Variants in ST8SIA4 observed in about 807,000 individuals in gnomAD.
The protein encoded by ST8SIA4 is ST8 alpha-N-acetyl-neuraminide alpha-2,8-sialyltransferase 4.
A neutral mutation model predicts 33.9 loss-of-function variants in ST8SIA4; 15 were observed. That is an observed-to-expected ratio of 0.44 (90% confidence interval 0.30 to 0.68). The LOEUF is 0.68. ST8SIA4 is among the 30% of genes least tolerant of loss of function. The pLI is 0.10. For synonymous variants in ST8SIA4, 171 were observed against 151.2 expected (o/e 1.13, Z -0.96); for missense variants, 321 against 428.0 (o/e 0.75, Z 2.21).
intron 3 of ST8SIA4, among the ~76,000 whole-genome samples, chr5:100,866,938 T>C (rs1752077484): frequency 6.6e-6 from 1 of 152,128 alleles, no homozygotes; most frequent in Non-Finnish European, 1.5e-5. Context: ...ACATGAATTG[T>C]CAAGATAATT....
intron 1 of ST8SIA4, among the ~76,000 whole-genome samples, chr5:100,899,829 T>G (rs1412580762): frequency 6.6e-6 from 1 of 152,198 alleles, no homozygotes; most frequent in South Asian, 2.1e-4. Context: ...ACTAAGAAAG[T>G]AAAGTTAGTC....
chr5:100,871,040 G>T (rs980542208), intron 3 of ST8SIA4, among the ~76,000 whole-genome samples: 3 of 152,018 alleles, frequency 2.0e-5, no homozygotes, highest in Non-Finnish European at 2.9e-5. Flanking sequence ...CCTAGACTTG[G>T]CTGTCTATCA....
chr5:100,833,952 C>T (rs1371421255), intron 4 of ST8SIA4, among the ~76,000 whole-genome samples: 2 of 151,818 alleles, frequency 1.3e-5, no homozygotes, highest in African/African-American at 4.8e-5. Flanking sequence ...AATGTGCATC[C>T]CAGATATAGC....
At chr5:100,895,460 A>G (rs1404826821) in intron 2 of ST8SIA4, among the ~76,000 whole-genome samples, 194 bp downstream of exon 2, 1 of 152,008 alleles carries the variant, frequency 6.6e-6, no homozygotes, top group Non-Finnish European at 1.5e-5. Context: ...TCATCCTTAA[A>G]TCTCTGACTA....
intron 3 of ST8SIA4, among the ~76,000 whole-genome samples, chr5:100,860,888 GC>G (rs1751923119): frequency 6.6e-6 from 1 of 152,004 alleles, no homozygotes; most frequent in African/African-American, 2.4e-5. Flanking sequence ...GTTATTCAAG[GC>G]CATTCAGCCA....
At chr5:100,873,154 T>A (rs1381709418) in intron 3 of ST8SIA4, among the ~76,000 whole-genome samples, 1 of 152,174 alleles carries the variant, frequency 6.6e-6, no homozygotes, top group Non-Finnish European at 1.5e-5. Context: ...TTAATTGATA[T>A]CTTATTGCTG....
intron 4 of ST8SIA4, among the ~76,000 whole-genome samples, chr5:100,821,587 T>G (rs1211553963): frequency 6.6e-6 from 1 of 152,194 alleles, no homozygotes; most frequent in East Asian, 1.9e-4. Context: ...CCCAGATAGT[T>G]GTGCTAAAAT....
At chr5:100,821,186 A>C (rs1211727033) in intron 4 of ST8SIA4, among the ~76,000 whole-genome samples, 3 of 152,146 alleles carry the variant, frequency 2.0e-5, no homozygotes, top group Non-Finnish European at 4.4e-5. Context: ...TTTTCTTACT[A>C]AGATTGAAAG....
intron 1 of ST8SIA4, 69 bp from the exon 2 acceptor site, chr5:100,895,854 A>G (rs1312513205): frequency 6.8e-7 from 1 of 1,471,836 alleles, no homozygotes; most frequent in Non-Finnish European, 9.2e-7. Context: ...ACAGTACATA[A>G]TTTGAATTAA....
At chr5:100,826,759 C>A (rs1476669641) in intron 4 of ST8SIA4, among the ~76,000 whole-genome samples, 1 of 151,938 alleles carries the variant, frequency 6.6e-6, no homozygotes, top group African/African-American at 2.4e-5. Flanking sequence ...TATATCATTT[C>A]ATTCTAATTA....
chr5:100,882,748 A>G (rs1752452894), intron 3 of ST8SIA4, among the ~76,000 whole-genome samples: 1 of 152,234 alleles, frequency 6.6e-6, no homozygotes, highest in Non-Finnish European at 1.5e-5. Context: ...AAAGGGGCCA[A>G]TGTAGAACTC....
At position 100,826,056 on chromosome 5, in the gene ST8SIA4, C is replaced by A. The variant is rs149785994; in HGVS notation, c.798-13927G>T. ...TTACTGTATTTCCAGAATTCTAGTT[C>A]TTTTGAAGAATGTTCTTACTGGATA... On this transcript the variant is annotated intron_variant, in intron 4 of 4. Transcript: ENST00000231461. Among the ~76,000 whole-genome samples the A allele has an allele frequency of 7.6e-3, 1,156 of 152,158 alleles. 8 individuals are homozygous for A. The highest frequency in any genetic ancestry group is 0.023 in the African/African-American group (937 of 41,514).
intron 3 of ST8SIA4, among the ~76,000 whole-genome samples, chr5:100,866,651 A>C (rs1340309703): frequency 6.6e-6 from 1 of 151,928 alleles, no homozygotes; most frequent in Non-Finnish European, 1.5e-5. Flanking sequence ...ACATATACAT[A>C]AACTTAACAT....
intron 3 of ST8SIA4, among the ~76,000 whole-genome samples, chr5:100,858,629 G>C (rs1373102993): frequency 1.3e-5 from 2 of 152,036 alleles, no homozygotes; most frequent in Non-Finnish European, 2.9e-5. Flanking sequence ...AATTAAAGCT[G>C]AAGGCTGAAA....
At chr5:100,885,798 A>G (rs776231084) in intron 3 of ST8SIA4, 1 of 894,048 alleles carries the variant, frequency 1.1e-6, no homozygotes, top group Non-Finnish European at 1.3e-6. Context: ...AATTATGTTA[A>G]AAAAACATAA....
intron 1 of ST8SIA4, among the ~76,000 whole-genome samples, chr5:100,902,042 T>A (rs1164509793): frequency 6.6e-6 from 1 of 152,116 alleles, no homozygotes; most frequent in African/African-American, 2.4e-5. Context: ...GTTCACATCC[T>A]CAGAAAAAGC....
intron 4 of ST8SIA4, among the ~76,000 whole-genome samples, chr5:100,829,681 G>A (rs893161858): frequency 2.0e-5 from 3 of 152,108 alleles, no homozygotes; most frequent in Non-Finnish European, 4.4e-5. Context: ...AGGCCGAAGC[G>A]GGTGGATCAC....
intron 3 of ST8SIA4, among the ~76,000 whole-genome samples, chr5:100,872,632 T>C (rs1243896933): frequency 6.6e-6 from 1 of 152,090 alleles, no homozygotes; most frequent in Non-Finnish European, 1.5e-5. Flanking sequence ...TCCCCTTTGC[T>C]GGGCACTCAT....
At chr5:100,813,065 C>T (rs1048740879) in intron 4 of ST8SIA4, among the ~76,000 whole-genome samples, 7 of 152,094 alleles carry the variant, frequency 4.6e-5, no homozygotes, top group African/African-American at 1.7e-4. Flanking sequence ...GATATGTGCT[C>T]TGCCATCCAA....
Sources: allele counts gnomAD v4.1 joint callset (sites outside exome capture counted in the v4.1 genomes callset), GRCh38; gene constraint gnomAD v4.1.1; transcripts MANE v1.5; gene names NCBI Gene and HGNC (gene_info 2026-07-23, HGNC 2026-07-21).